The following UBN1 variants were observed in gnomAD, a reference collection of about 807,000 sequenced individuals.
UBN1 encodes the protein ubinuclein 1.
A neutral mutation model predicts 108.5 loss-of-function variants in UBN1; 17 were observed. The ratio of observed to expected loss-of-function variants is 0.16; its 90% confidence interval spans 0.11 to 0.24. UBN1 has a LOEUF of 0.24. Among genes scored for constraint, UBN1 ranks in the 10% least tolerant of loss-of-function variants. The pLI, the probability that UBN1 is intolerant of heterozygous loss-of-function variation, is 1.00. For synonymous variants in UBN1, 726 were observed against 564.2 expected, an observed-to-expected ratio of 1.29 and a Z score of -4.07; for missense variants, 1,595 against 1,394.4, an observed-to-expected ratio of 1.14 and a Z score of -2.29.
rs1276337263 is a variant in UBN1 at position 4,870,248 on chromosome 16, C to G, written c.1218C>G (p.Val406=). 6.2e-7 allele frequency: 1 copy of G among 1,614,218 alleles called. No homozygotes were observed. The highest frequency in any genetic ancestry group is 1.1e-5 in the South Asian group (1 of 91,080). Residue 406 remains valine (V), a synonymous_variant, in exon 9 of 18, where the codon GTC becomes GTG. Coordinates refer to ENST00000262376, the MANE Select transcript of UBN1 (RefSeq NM_001079514.3). The stretch of plus-strand genomic sequence containing the variant: ...AGACTCGGGAGCTGAGCAGTCAGGT[C>G]CGCTCTGGGGTGTATGCCTATCTTG... ...EAQTRELSSQ[V]RSGVYAYLAS...
At position 4,874,866 on chromosome 16, in the gene UBN1, C is replaced by A. The variant is rs1251187758; in HGVS notation, c.2456C>A (p.Pro819His). The A allele has an allele frequency of 6.2e-6, 10 of 1,613,964 alleles. No homozygotes were observed. The highest frequency in any genetic ancestry group is 1.7e-5 in the Admixed American group (1 of 60,010). The change falls in exon 15 of 18, where the codon CCC becomes CAC. Residue 819 changes from proline to histidine, a missense_variant. By Grantham distance (77) the Pro-to-His change is moderately conservative. Around this residue, in one of 3 missense-constraint regions of UBN1, gnomAD observed 1,398 missense variants for 1,194.7 expected, o/e 1.17. Coordinates refer to ENST00000262376, the MANE Select transcript of UBN1 (RefSeq NM_001079514.3). ...AGTQQQKNFT[P>H]PSPFANKLQG... ...ACTCAGCAGCAGAAAAACTTCACGC[C>A]CCCATCTCCATTTGCCAATAAGCTC...
In UBN1 at chr16:4,874,796, G is replaced by A. The variant is rs1169872186; in HGVS notation, c.2386G>A (p.Ala796Thr). The change falls in exon 15 of 18, where the codon GCA (alanine) becomes ACA (threonine). Residue 796 changes from alanine (A) to threonine (T), a missense_variant. Around this residue, in one of 3 missense-constraint regions of UBN1, gnomAD observed 1,398 missense variants for 1,194.7 expected, o/e 1.17. Transcript: ENST00000262376. ...ACGGACGTCTCACGGGCCCCAAGTG[G>A]CAGTTCCTGTGCCTGGCCCCCAGGT... ...LPRTSHGPQV[A>T]VPVPGPQVKV... is the part of the protein sequence containing the mutation. The A allele has an allele frequency of 1.9e-6, 3 of 1,613,952 alleles. No individual in the cohort carries two copies. The highest frequency in any genetic ancestry group is 1.3e-5 in the African/African-American group (1 of 74,934).
In UBN1 at chr16:4,874,820, G is replaced by C. The variant is rs2087803252; in HGVS notation, c.2410G>C (p.Val804Leu). 1 of 1,614,058 alleles carries C rather than the reference G, an allele frequency of 6.2e-7. No homozygotes were observed. The highest frequency in any genetic ancestry group is 8.5e-7 in the Non-Finnish European group (1 of 1,180,046). ...GGCAGTTCCTGTGCCTGGCCCCCAG[G>C]TCAAAGTCTTTCATGCCGGCACTCA... ...QVAVPVPGPQ[V>L]KVFHAGTQQQ... Residue 804 changes from valine to leucine, a missense_variant, in exon 15 of 18, where the codon GTC becomes CTC. Coordinates refer to ENST00000262376, the MANE Select transcript of UBN1 (RefSeq NM_001079514.3).
At chr16:4,857,062 C>A (rs182891756) in intron 2 of UBN1, among the ~76,000 whole-genome samples, 2 of 152,180 alleles carry the variant, frequency 1.3e-5, no homozygotes, top group African/African-American at 4.8e-5. Context: ...TGGCTCCTGG[C>A]TGGGTGTGGT....
At chr16:4,871,787 C>T (rs941379467) in intron 12 of UBN1, among the ~76,000 whole-genome samples, 3 of 151,916 alleles carry the variant, frequency 2.0e-5, no homozygotes, top group African/African-American at 7.3e-5. Flanking sequence ...GGGGTTTCAC[C>T]GTGTTAGCCA....
Position 4,874,269 on chromosome 16 carries a change from C to G in UBN1, c.1859C>G (p.Pro620Arg), listed in dbSNP as rs771848309. The G allele has an allele frequency of 4.3e-6, 7 of 1,612,004 alleles. No individual in the cohort carries two copies. The Admixed American group carries it at 8.4e-5, about 19-fold the overall frequency. ...GTCCCATCAGGACAGATTGGTGGCC[C>G]CATTGCTTTGCCCTCAGATCACCAA... ...VSVPSGQIGG[P>R]IALPSDHQTG... Residue 620 changes from proline to arginine, a missense_variant, in exon 15 of 18, where the codon CCC becomes CGC. Around this residue, in one of 3 missense-constraint regions of UBN1, gnomAD observed 1,398 missense variants for 1,194.7 expected, o/e 1.17. Transcript: ENST00000262376.
In UBN1 at chr16:4,877,229, C is replaced by T; in HGVS notation, c.3265+118C>T. ...TCTGGTGTGTGACTGTGGGGAACAT[C>T]TCCGGGAACTGTGCCAAGCCCCCAC... is the stretch of plus-strand genomic sequence containing the variant. On this transcript the variant is annotated intron_variant, in intron 16 of 17. Coordinates refer to ENST00000262376, the MANE Select transcript of UBN1 (RefSeq NM_001079514.3). The surrounding 1 kb of genome is among the most constrained non-coding windows in gnomAD (Gnocchi z 4.3). 6.6e-7 allele frequency: 1 copy of T among 1,514,332 alleles called. No homozygotes were observed. The highest frequency in any genetic ancestry group is 2.1e-5 in the Admixed American group (1 of 48,778). 93.8% of individuals were successfully genotyped at this position (1,514,332 alleles called of 1,614,324 possible). A position where few individuals can be genotyped will look rare whatever the true frequency, so the allele number is the denominator to read the frequency against.
intron 15 of UBN1, among the ~76,000 whole-genome samples, chr16:4,876,445 G>A (rs2087889117): frequency 6.6e-6 from 1 of 151,772 alleles, no homozygotes; most frequent in African/African-American, 2.4e-5. Flanking sequence ...GTATGTGTGT[G>A]TATGTATGTA....
chr16:4,879,998 C>T (rs1394383471), intron 17 of UBN1, 85 bp from the exon 18 acceptor site: 1 of 1,448,650 alleles, frequency 6.9e-7, no homozygotes, highest in East Asian at 2.3e-5. Flanking sequence ...ATTTAGGTGT[C>T]TCCCTTGAAG....
rs1328700699 is a variant in UBN1, at chr16:4,877,136, G to C, written c.3265+25G>C. The C allele has an allele frequency of 1.3e-6, 2 of 1,588,046 alleles. No homozygotes were observed. The highest frequency in any genetic ancestry group is 1.7e-5 in the Admixed American group (1 of 57,150). ...AGTAAGTGCTTCTTTGCTGCCTCTG[G>C]TCACTCAGGAACCTCTAGATTGTGG... is the stretch of plus-strand genomic sequence containing the variant. On this transcript the variant is annotated intron_variant, in intron 16 of 17. Coordinates refer to ENST00000262376, the MANE Select transcript of UBN1 (RefSeq NM_001079514.3). This position sits in a 1 kb window ranked among gnomAD's most constrained non-coding sequence, Gnocchi z 4.3.
chr16:4,859,286 G>A lies in UBN1; in HGVS notation c.567+127G>A, dbSNP rs74003519. The A allele has an allele frequency of 5.3e-3, 7,124 of 1,351,508 alleles. 274 individuals carry two copies. The African/African-American group carries it at 0.088, about 17-fold the overall frequency. 83.7% of individuals were successfully genotyped at this position (1,351,508 alleles called of 1,614,324 possible). On this transcript the variant is annotated intron_variant, in intron 5 of 17. Transcript: ENST00000262376. ...GAGGATGGTGGAAAGGCAGAGCCGTGCCAGGTTGATGGCTCGCCTCTTACA... is the reference window on the plus strand; with the variant it reads ...GAGGATGGTGGAAAGGCAGAGCCGTACCAGGTTGATGGCTCGCCTCTTACA...
intron 1 of UBN1, among the ~76,000 whole-genome samples, chr16:4,851,312 A>G (rs1298592907): frequency 6.6e-6 from 1 of 152,176 alleles, no homozygotes; most frequent in Non-Finnish European, 1.5e-5. Context: ...AAAAAATACA[A>G]AAATTAGCAC....
chr16:4,854,879 C>T (rs933082066), intron 2 of UBN1, among the ~76,000 whole-genome samples: 5 of 152,006 alleles, frequency 3.3e-5, no homozygotes, highest in South Asian at 2.1e-4. Flanking sequence ...CCCGCCACCA[C>T]GTCTGGTTAA....
At chr16:4,857,890 C>A in intron 2 of UBN1, 100 bp from the exon 3 acceptor site, 1 of 842,282 alleles carries the variant, frequency 1.2e-6, no homozygotes, top group Non-Finnish European at 1.9e-6. Flanking sequence ...TTCTGGAAAA[C>A]ATTGTTTTTA....
At chr16:4,853,232 G>C (rs1386870243) in intron 2 of UBN1, 66 bp downstream of exon 2, 1 of 1,565,640 alleles carries the variant, frequency 6.4e-7, no homozygotes, top group Admixed American at 1.8e-5. Flanking sequence ...TGCATGTGGG[G>C]CTTCCGTAGC....
At chr16:4,848,883 C>T (rs1031910676) in intron 1 of UBN1, among the ~76,000 whole-genome samples, 3 of 152,110 alleles carry the variant, frequency 2.0e-5, no homozygotes, top group Non-Finnish European at 2.9e-5. Flanking sequence ...GGTGGACCAC[C>T]TGAGATCAGG....
intron 10 of UBN1, 98 bp from the exon 11 acceptor site, chr16:4,870,746 T>C: frequency 6.3e-7 from 1 of 1,588,078 alleles, no homozygotes; most frequent in East Asian, 2.2e-5. Flanking sequence ...TTCTTTGGCC[T>C]TTTCTCCTTC....
At position 4,849,415 on chromosome 16, in the gene UBN1, G is replaced by A. The variant is rs1455558672; in HGVS notation, c.-40+1205G>A. On this transcript the variant is annotated intron_variant, in intron 1 of 17. Coordinates refer to ENST00000262376, the MANE Select transcript of UBN1 (RefSeq NM_001079514.3). Reference sequence around the variant, plus strand: ...AAGGGTACTCATTATAAGTTGGAATGCACAATTTAGTTTTTCTGTTTCATC... The same window carrying A: ...AAGGGTACTCATTATAAGTTGGAATACACAATTTAGTTTTTCTGTTTCATC... Among the ~76,000 whole-genome samples the A allele has an allele frequency of 3.9e-5, 6 of 152,166 alleles. No homozygotes were observed. In the East Asian group the frequency reaches 5.8e-4, roughly 15 times the overall value.
chr16:4,849,834 C>G (rs1450776929), intron 1 of UBN1, among the ~76,000 whole-genome samples: 2 of 151,016 alleles, frequency 1.3e-5, no homozygotes, highest in South Asian at 2.1e-4. Context: ...TAGGCTCCAG[C>G]GATCATCCTG....
Sources: gnomAD v4.1 joint callset for allele counts (sites outside exome capture counted in the v4.1 genomes callset) on GRCh38, gnomAD v4.1.1 for gene constraint, gnomAD v4.1.1 regional missense constraint, Gnocchi (gnomAD v3.1) non-coding constraint, MANE v1.5 for transcripts, NCBI Gene and HGNC (gene_info 2026-07-23, HGNC 2026-07-21) for gene names.